MYBL1: variants seen among roughly 807,000 people sequenced by gnomAD.
MYBL1 encodes the protein myb-related protein A.
Under a neutral mutation model 96.3 loss-of-function variants are expected in MYBL1, and 17 were observed. The ratio of observed to expected loss-of-function variants is 0.18; its 90% CI spans 0.12 to 0.26. The LOEUF is 0.26. MYBL1 is among the 10% of genes least tolerant of loss of function. The pLI is 1.00. For synonymous variants in MYBL1, 282 were observed against 292.7 expected (o/e 0.96, Z 0.37); for missense variants, 701 against 882.9 (o/e 0.79, Z 2.61).
At chr8:66,603,342 C>T (rs975413760) in intron 1 of MYBL1, among the ~76,000 whole-genome samples, 10 of 151,746 alleles carry the variant, frequency 6.6e-5, no homozygotes, top group South Asian at 2.1e-4. Context: ...AAATATAAAC[C>T]GCAGCCAATT....
chr8:66,580,674 A>G (rs570779557), intron 8 of MYBL1, among the ~76,000 whole-genome samples: 1 of 152,288 alleles, frequency 6.6e-6, no homozygotes, highest in East Asian at 1.9e-4. Context: ...CTCAAGAGCT[A>G]TATATTTAAA....
At chr8:66,607,073 T>C (rs999962123) in intron 1 of MYBL1, among the ~76,000 whole-genome samples, 7 of 151,978 alleles carry the variant, frequency 4.6e-5, no homozygotes, top group Admixed American at 6.6e-5. Context: ...GATTACAGGT[T>C]TGAGCAACCA....
Position 66,580,371 on chromosome 8 carries a change from AG to A in MYBL1, c.868-6del, listed in dbSNP as rs750959042. On this transcript the variant is annotated splice_polypyrimidine_tract_variant and splice_region_variant and intron_variant, in intron 8 of 15. Coordinates refer to ENST00000522677, the MANE Select transcript of MYBL1 (RefSeq NM_001080416.4). ...GCTAGAAAAACTTCCAGGCTGCTAAAGGTACAAAAGAAATTTGAATATTATT... is the reference window on the plus strand; with the variant it reads ...GCTAGAAAAACTTCCAGGCTGCTAAAGTACAAAAGAAATTTGAATATTATT... 3.8e-6 allele frequency: 6 copies of A among 1,562,764 alleles called. No individual in the cohort carries two copies. The Admixed American group carries it at 1.0e-4, about 27-fold the overall frequency.
intron 15 of MYBL1, 31 bp from the exon 16 acceptor site, chr8:66,564,856 AATT>A: frequency 6.8e-7 from 1 of 1,464,092 alleles, no homozygotes; most frequent in Non-Finnish European, 9.3e-7. Context: ...GTGACATGAA[AATT>A]ATTAAAATAG....
At chr8:66,609,559 T>TCTGG (rs1563556241) in intron 1 of MYBL1, among the ~76,000 whole-genome samples, 3 of 152,168 alleles carry the variant, frequency 2.0e-5, no homozygotes, top group Non-Finnish European at 4.4e-5. Context: ...CATACATGAA[T>TCTGG]ATTTTATTTC....
intron 8 of MYBL1, among the ~76,000 whole-genome samples, chr8:66,589,725 C>T (rs1283928110): frequency 1.3e-5 from 2 of 151,984 alleles, no homozygotes; most frequent in African/African-American, 2.4e-5. Flanking sequence ...CTTAAGTGAC[C>T]CTCCCACCTC....
At chr8:66,581,672 A>G (rs961215360) in intron 8 of MYBL1, among the ~76,000 whole-genome samples, 2 of 152,156 alleles carry the variant, frequency 1.3e-5, no homozygotes, top group African/African-American at 4.8e-5. Context: ...TGAGACCCTT[A>G]TCAAAAGAAA....
intron 4 of MYBL1, among the ~76,000 whole-genome samples, chr8:66,597,847 TAAAAAAA>T (rs1189665191): frequency 1.1e-4 from 4 of 36,172 alleles, no homozygotes; most frequent in African/African-American, 3.0e-4. Context: ...CTCCTACATC[TAAAAAAA>T]AAAAAAAAAA....
At chr8:66,593,434 T>C (rs956012380) in intron 6 of MYBL1, among the ~76,000 whole-genome samples, 1 of 152,202 alleles carries the variant, frequency 6.6e-6, no homozygotes, top group African/African-American at 2.4e-5. Flanking sequence ...AGATGAAATA[T>C]GAGAATTACT....
intron 6 of MYBL1, among the ~76,000 whole-genome samples, chr8:66,594,085 G>C (rs1335304031): frequency 6.6e-6 from 1 of 151,948 alleles, no homozygotes; most frequent in Non-Finnish European, 1.5e-5. Context: ...GCAGCGAGCT[G>C]TGTGCGCACC....
At chr8:66,582,250 T>C (rs912983425) in intron 8 of MYBL1, among the ~76,000 whole-genome samples, 6 of 152,028 alleles carry the variant, frequency 3.9e-5, no homozygotes, top group African/African-American at 1.4e-4. Flanking sequence ...ACTAGCTGAA[T>C]GGATTAAAAA....
intron 1 of MYBL1, among the ~76,000 whole-genome samples, 197 bp from the exon 2 acceptor site, chr8:66,602,720 TATATATATA>T (rs1810134580): frequency 2.2e-5 from 1 of 45,334 alleles, no homozygotes; most frequent in African/African-American, 1.1e-4. Context: ...TATATATATA[TATATATATA>T]TATATTTTTT....
chr8:66,591,413 T>A (rs1380765373), intron 8 of MYBL1, among the ~76,000 whole-genome samples: 2 of 152,160 alleles, frequency 1.3e-5, no homozygotes, highest in Admixed American at 1.3e-4. Context: ...AACTTGTATC[T>A]TTCTTTTAAC....
intron 7 of MYBL1, 48 bp downstream of exon 7, chr8:66,593,072 A>C (rs1486124790): frequency 2.4e-6 from 3 of 1,232,124 alleles, no homozygotes. Flanking sequence ...GCTTTTAAAA[A>C]TGTGACTGAA....
At chr8:66,565,339 CTA>C (rs1421012831) in intron 15 of MYBL1, 1 of 152,094 alleles carries the variant, frequency 6.6e-6, no homozygotes, top group Non-Finnish European at 1.5e-5. Context: ...CCCAAAAGTT[CTA>C]TGTTAATTAA....
At chr8:66,579,963 C>G (rs1344910213) in intron 9 of MYBL1, among the ~76,000 whole-genome samples, 170 bp downstream of exon 9, 1 of 151,736 alleles carries the variant, frequency 6.6e-6, no homozygotes, top group Non-Finnish European at 1.5e-5. Flanking sequence ...AAGGCACATA[C>G]TTGAGAAAAA....
In MYBL1 at chr8:66,592,427, G is replaced by T. The variant is rs749837019; in HGVS notation, c.867+13C>A. On this transcript the variant is annotated intron_variant, in intron 8 of 15. Coordinates refer to ENST00000522677, the MANE Select transcript of MYBL1 (RefSeq NM_001080416.4). ...AAGATTCTAACAATACAAATAACAAGCTTATTTCTTACTGATGGAATTCGC... is the reference window on the plus strand; with the variant it reads ...AAGATTCTAACAATACAAATAACAATCTTATTTCTTACTGATGGAATTCGC... 7 of 1,500,612 alleles carry T rather than the reference G, an allele frequency of 4.7e-6. No individual in the cohort carries two copies. Among genetic ancestry groups the T allele is most frequent in the Non-Finnish European group, 5.5e-6 (6 of 1,093,586 alleles). The allele number at this position is 1,500,612 out of a possible 1,614,324, so 93.0% of individuals were successfully genotyped here.
intron 4 of MYBL1, 63 bp from the exon 5 acceptor site, chr8:66,597,613 C>A: frequency 1.0e-6 from 1 of 986,416 alleles, no homozygotes; most frequent in South Asian, 1.7e-5. Context: ...AAACATAATT[C>A]AAGAATACCA....
At position 66,602,532 on chromosome 8, in the gene MYBL1, A is replaced by C. The variant is rs1354109828; in HGVS notation, c.21-9T>G. 6 of 1,568,646 alleles carry C rather than the reference A, an allele frequency of 3.8e-6. No homozygotes were observed. The South Asian group carries it at 7.0e-5, about 18-fold the overall frequency. The stretch of plus-strand genomic sequence containing the variant: ...CATCATCCTCATCCTCACTACAAAA[A>C]AAACACAATTTGTGATATCAAGAAT... On this transcript the variant is annotated splice_polypyrimidine_tract_variant and intron_variant, in intron 1 of 15. Transcript: ENST00000522677.
Sources: allele counts gnomAD v4.1 joint callset (sites outside exome capture counted in the v4.1 genomes callset), GRCh38; gene constraint gnomAD v4.1.1; transcripts MANE v1.5; gene names NCBI Gene and HGNC (gene_info 2026-07-23, HGNC 2026-07-21).